The following RIMS1 variants were observed in gnomAD, a reference collection of about 807,000 sequenced individuals.
RIMS1 encodes regulating synaptic membrane exocytosis 1, also known as regulating synaptic membrane exocytosis protein 1.
A neutral mutation model predicts 214.1 loss-of-function variants in RIMS1; 83 were observed. The observed-to-expected ratio is 0.39, with a 90% CI of 0.32 to 0.47. The LOEUF (loss-of-function observed/expected upper bound fraction) is 0.47. RIMS1 is among the 20% of genes least tolerant of loss of function. The probability of loss-of-function intolerance (pLI) is 0.99; values close to 1 mark genes in which losing one functional copy is unlikely to be tolerated. For missense variants in RIMS1, 2,050 were observed against 2,161.8 expected (o/e 0.95, Z 1.03); for synonymous variants, 793 against 786.8 (o/e 1.01, Z -0.13).
intron 4 of RIMS1, among the ~76,000 whole-genome samples, chr6:72,121,427 G>A (rs961875637): frequency 1.3e-5 from 2 of 151,820 alleles, no homozygotes; most frequent in African/African-American, 2.4e-5. Flanking sequence ...GTGAATGGGA[G>A]TTCACTCATG....
chr6:72,319,813 T>C (rs1450475275), intron 28 of RIMS1, among the ~76,000 whole-genome samples: 1 of 152,106 alleles, frequency 6.6e-6, no homozygotes, highest in Non-Finnish European at 1.5e-5. Context: ...CATACAAGTG[T>C]AATAATAATA....
intron 2 of RIMS1, among the ~76,000 whole-genome samples, chr6:72,084,360 C>G (rs902241523): frequency 1.3e-5 from 2 of 152,108 alleles, no homozygotes; most frequent in African/African-American, 4.8e-5. Context: ...TATGATTTCT[C>G]ATAATTTTAC....
chr6:72,262,659 C>A (rs2078571188), intron 19 of RIMS1: 2 of 863,360 alleles, frequency 2.3e-6, no homozygotes, highest in Non-Finnish European at 2.8e-6. Context: ...TAATTTATAT[C>A]TGTATAAAAA....
At chr6:72,093,275 TACAC>T (rs778224092) in intron 2 of RIMS1, among the ~76,000 whole-genome samples, 2 of 150,280 alleles carry the variant, frequency 1.3e-5, no homozygotes, top group East Asian at 2.0e-4. Flanking sequence ...TACACACACA[TACAC>T]ACACAAAGAG....
chr6:72,398,430 T>G (rs191221706), intron 32 of RIMS1, 80 bp downstream of exon 32: 454 of 796,188 alleles, frequency 5.7e-4, no homozygotes, highest in South Asian at 1.4e-3. Flanking sequence ...CATTTGAATT[T>G]CATATGCTCT....
chr6:72,024,926 G>T (rs1037566397), intron 2 of RIMS1, among the ~76,000 whole-genome samples: 1 of 52,110 alleles, frequency 1.9e-5, no homozygotes, highest in South Asian at 7.1e-4. Context: ...TTTTTTTTGA[G>T]GCAGAGTCTC....
intron 2 of RIMS1, among the ~76,000 whole-genome samples, chr6:72,068,323 T>C (rs889793673): frequency 6.6e-6 from 1 of 151,788 alleles, no homozygotes; most frequent in Non-Finnish European, 1.5e-5. Context: ...ATGGTATGGG[T>C]AATTATTATG....
chr6:72,176,350 G>A (rs2047705640), intron 4 of RIMS1, among the ~76,000 whole-genome samples: 1 of 152,104 alleles, frequency 6.6e-6, no homozygotes. Context: ...TATAGCTTCA[G>A]GCAAATATAA....
intron 2 of RIMS1, among the ~76,000 whole-genome samples, chr6:72,061,476 CTGTT>C (rs1423555984): frequency 6.6e-6 from 1 of 152,098 alleles, no homozygotes; most frequent in Admixed American, 6.5e-5. Context: ...GGTTGACAGT[CTGTT>C]TGTTTCCACG....
intron 4 of RIMS1, among the ~76,000 whole-genome samples, chr6:72,175,528 C>T (rs1167398209): frequency 2.0e-5 from 3 of 151,990 alleles, no homozygotes; most frequent in Admixed American, 6.6e-5. Flanking sequence ...CAAAAATTAG[C>T]TGGGCGTGGG....
intron 1 of RIMS1, among the ~76,000 whole-genome samples, chr6:71,889,084 T>A (rs1308930744): frequency 2.0e-5 from 3 of 152,204 alleles, no homozygotes; most frequent in Non-Finnish European, 4.4e-5. Flanking sequence ...TTCCTTTTGC[T>A]GTTTGCTGCA....
chr6:72,284,729 T>G (rs1227142588), intron 24 of RIMS1, among the ~76,000 whole-genome samples: 5 of 152,096 alleles, frequency 3.3e-5, no homozygotes, highest in African/African-American at 9.7e-5. Context: ...GAATTGCAAC[T>G]AACATATATT....
chr6:71,948,097 C>A (rs890991919), intron 1 of RIMS1, among the ~76,000 whole-genome samples: 1 of 152,022 alleles, frequency 6.6e-6, no homozygotes, highest in Non-Finnish European at 1.5e-5. Flanking sequence ...CAATTGAAAT[C>A]AATATTATTA....
At chr6:72,069,360 T>C (rs1261018952) in intron 2 of RIMS1, among the ~76,000 whole-genome samples, 1 of 152,224 alleles carries the variant, frequency 6.6e-6, no homozygotes, top group Non-Finnish European at 1.5e-5. Flanking sequence ...GCTAACAAAC[T>C]GTAGCTCACT....
chr6:71,955,274 C>A (rs1293184506), intron 1 of RIMS1, among the ~76,000 whole-genome samples: 1 of 152,070 alleles, frequency 6.6e-6, no homozygotes, highest in Non-Finnish European at 1.5e-5. Flanking sequence ...TCAAGCGATT[C>A]TCCTGCCTCA....
intron 19 of RIMS1, among the ~76,000 whole-genome samples, chr6:72,264,616 A>AT (rs977391442): frequency 4.5e-4 from 68 of 152,254 alleles, no homozygotes; most frequent in African/African-American, 1.6e-3. Context: ...AAATTAGTTG[A>AT]TTTTTACTTT....
At chr6:72,253,636 GTA>G (rs201943881) in intron 16 of RIMS1, among the ~76,000 whole-genome samples, 5 of 151,310 alleles carry the variant, frequency 3.3e-5, no homozygotes, top group East Asian at 3.9e-4. Context: ...TTTAAAGACA[GTA>G]TATATATATA....
intron 28 of RIMS1, among the ~76,000 whole-genome samples, chr6:72,329,021 G>GAAACAAAACAAAACA (rs531122241): frequency 2.0e-5 from 3 of 151,496 alleles, no homozygotes; most frequent in African/African-American, 7.3e-5. Flanking sequence ...GAACCAGAAA[G>GAAACAAAACAAAACA]AAACAAAACA....
In RIMS1 at chr6:71,887,071, T is replaced by A; in HGVS notation, c.48T>A (p.Pro16=). 1 of 1,613,190 alleles carries A rather than the reference T, an allele frequency of 6.2e-7. No homozygotes were observed. Among genetic ancestry groups the A allele is most frequent in the East Asian group, 2.2e-5 (1 of 44,840 alleles). The change falls in exon 1 of 34, where the codon CCT becomes CCA. Residue 16 remains proline, a synonymous_variant. Coordinates refer to ENST00000521978, the MANE Select transcript of RIMS1 (RefSeq NM_014989.7). ...GCGGTCCTCGCCCACCCACGGTGCCTCCCCCCATGCAAGAGCTGCCCGACC... is the reference window on the plus strand; with the variant it reads ...GCGGTCCTCGCCCACCCACGGTGCCACCCCCCATGCAAGAGCTGCCCGACC... The part of the protein sequence containing the change: ...GPRGPRPPTV[P]PPMQELPDLS...
Sources: allele counts gnomAD v4.1 joint callset (sites outside exome capture counted in the v4.1 genomes callset), GRCh38; gene constraint gnomAD v4.1.1; transcripts MANE v1.5; gene names NCBI Gene and HGNC (gene_info 2026-07-23, HGNC 2026-07-21).